Variants in GPC6 observed in about 807,000 individuals in gnomAD.
GPC6 encodes glypican 6, also known as glypican-6.
Under a neutral mutation model 55.2 loss-of-function variants are expected in GPC6, and 14 were observed. The observed-to-expected ratio is 0.25, with a 90% CI of 0.17 to 0.40. The LOEUF (loss-of-function observed/expected upper bound fraction) is 0.40. GPC6 is among the 10% of genes least tolerant of loss of function. The pLI is 1.00. For missense variants in GPC6, 641 were observed against 708.5 expected, an observed-to-expected ratio of 0.90 and a Z score of 1.08; for synonymous variants, 278 against 259.6, an observed-to-expected ratio of 1.07 and a Z score of -0.68.
chr13:93,302,380 T>C (rs1451185954), intron 1 of GPC6, among the ~76,000 whole-genome samples: 1 of 152,214 alleles, frequency 6.6e-6, no homozygotes, highest in African/African-American at 2.4e-5. Context: ...CCTAACATCC[T>C]TCTCCAAAGG....
chr13:93,465,983 C>T (rs956203315), intron 1 of GPC6, among the ~76,000 whole-genome samples: 5 of 151,994 alleles, frequency 3.3e-5, no homozygotes, highest in African/African-American at 7.3e-5. Context: ...ATGGGGGGAA[C>T]GGCTGGTTGA....
At chr13:93,694,498 T>G (rs1882377176) in intron 2 of GPC6, among the ~76,000 whole-genome samples, 1 of 152,272 alleles carries the variant, frequency 6.6e-6, no homozygotes, top group South Asian at 2.1e-4. Flanking sequence ...AAAGCAGCAG[T>G]CAAAGTTGAT....
At chr13:93,555,916 G>A (rs1381426594) in intron 2 of GPC6, among the ~76,000 whole-genome samples, 11 of 152,166 alleles carry the variant, frequency 7.2e-5, no homozygotes, top group African/African-American at 2.4e-4. Flanking sequence ...GAATTGAGAG[G>A]TTAGTTAGCA....
At chr13:94,343,063 T>G (rs1172501737) in intron 6 of GPC6, among the ~76,000 whole-genome samples, 2 of 152,142 alleles carry the variant, frequency 1.3e-5, no homozygotes, top group Non-Finnish European at 2.9e-5. Flanking sequence ...GAGAATAAAG[T>G]AACACAGAAG....
intron 1 of GPC6, among the ~76,000 whole-genome samples, chr13:93,438,333 G>A (rs1877651533): frequency 6.6e-6 from 1 of 152,128 alleles, no homozygotes; most frequent in African/African-American, 2.4e-5. Context: ...TCCATAGAGG[G>A]TGATTTCTAT....
intron 3 of GPC6, among the ~76,000 whole-genome samples, chr13:93,859,486 T>G (rs1330866773): frequency 6.6e-6 from 1 of 151,690 alleles, no homozygotes; most frequent in Non-Finnish European, 1.5e-5. Flanking sequence ...GAAAGGAATA[T>G]TTGGGTTTAA....
chr13:93,769,351 C>T (rs1885218807), intron 2 of GPC6, among the ~76,000 whole-genome samples: 1 of 150,966 alleles, frequency 6.6e-6, no homozygotes, highest in African/African-American at 2.4e-5. Flanking sequence ...ATGCTGACAC[C>T]ATTTATTTAG....
In GPC6 at chr13:93,994,927, A is replaced by G. The variant is rs1006777292; in HGVS notation, c.712-32802A>G. On this transcript the variant is annotated intron_variant, in intron 3 of 8. Transcript: ENST00000377047. ...TGTGCCCAGGCAAACCTTATGTTTT[A>G]GTGGTTCTGTAGGGTAGGTCTACTT... Among the ~76,000 whole-genome samples the G allele has an allele frequency of 3.3e-5, 5 of 152,300 alleles. No homozygotes were observed. The East Asian group carries it at 9.6e-4, about 29-fold the overall frequency.
At chr13:93,811,354 G>A (rs1886689556) in intron 2 of GPC6, among the ~76,000 whole-genome samples, 1 of 152,140 alleles carries the variant, frequency 6.6e-6, no homozygotes, top group Admixed American at 6.5e-5. Context: ...CAGAGTGATT[G>A]ATCTTATAGA....
chr13:94,206,633 C>T (rs1278493584), intron 4 of GPC6, among the ~76,000 whole-genome samples: 3 of 152,032 alleles, frequency 2.0e-5, no homozygotes, highest in Non-Finnish European at 2.9e-5. Context: ...GCGAGCAGAT[C>T]GCTTGAGTCC....
intron 1 of GPC6, among the ~76,000 whole-genome samples, chr13:93,432,309 A>G (rs1877391824): frequency 6.6e-6 from 1 of 152,116 alleles, no homozygotes; most frequent in South Asian, 2.1e-4. Flanking sequence ...TCTCCGGCCA[A>G]CTCTTTGGTG....
At chr13:93,789,619 A>AC (rs1357933083) in intron 2 of GPC6, among the ~76,000 whole-genome samples, 2 of 45,556 alleles carry the variant, frequency 4.4e-5, no homozygotes, top group African/African-American at 1.2e-4. Context: ...ATATATATAT[A>AC]TATATATATA....
intron 2 of GPC6, among the ~76,000 whole-genome samples, chr13:93,644,552 T>C (rs1880091076): frequency 6.6e-6 from 1 of 152,058 alleles, no homozygotes; most frequent in Non-Finnish European, 1.5e-5. Flanking sequence ...AGGGAGATAT[T>C]CACTGCTTCA....
At chr13:93,911,591 A>T (rs1876986229) in intron 3 of GPC6, among the ~76,000 whole-genome samples, 1 of 152,168 alleles carries the variant, frequency 6.6e-6, no homozygotes, top group African/African-American at 2.4e-5. Context: ...GGCTTGAAGG[A>T]TGCCTTGCAG....
chr13:94,238,027 C>T (rs1043644364), intron 4 of GPC6, among the ~76,000 whole-genome samples: 1 of 152,090 alleles, frequency 6.6e-6, no homozygotes, highest in Non-Finnish European at 1.5e-5. Flanking sequence ...ATTAGTAGAA[C>T]TGGAAGATGG....
intron 3 of GPC6, among the ~76,000 whole-genome samples, chr13:93,922,233 T>A (rs1004255820): frequency 6.6e-6 from 1 of 152,122 alleles, no homozygotes; most frequent in African/African-American, 2.4e-5. Context: ...TTCTATCTCG[T>A]TGGGGAGGCT....
At chr13:93,742,875 C>T (rs953952320) in intron 2 of GPC6, among the ~76,000 whole-genome samples, 5 of 152,028 alleles carry the variant, frequency 3.3e-5, no homozygotes, top group African/African-American at 1.2e-4. Flanking sequence ...TTCCCGTCTG[C>T]AGTACTTGTG....
At chr13:93,438,326 A>G (rs1174905359) in intron 1 of GPC6, among the ~76,000 whole-genome samples, 1 of 152,186 alleles carries the variant, frequency 6.6e-6, no homozygotes, top group African/African-American at 2.4e-5. Context: ...TATAGTTTCC[A>G]TAGAGGGTGA....
At chr13:93,450,345 C>A (rs982663525) in intron 1 of GPC6, among the ~76,000 whole-genome samples, 2 of 152,212 alleles carry the variant, frequency 1.3e-5, no homozygotes, top group Non-Finnish European at 2.9e-5. Context: ...GATGTAATCT[C>A]ATCACATGTT....
Sources: allele counts gnomAD v4.1 joint callset (sites outside exome capture counted in the v4.1 genomes callset), GRCh38; gene constraint gnomAD v4.1.1; transcripts MANE v1.5; gene names NCBI Gene and HGNC (gene_info 2026-07-23, HGNC 2026-07-21).